Variants in COP1 observed in about 807,000 individuals in gnomAD.
COP1 encodes E3 ubiquitin-protein ligase COP1.
Under a neutral mutation model 101.3 loss-of-function variants are expected in COP1, and 24 were observed. That is an observed-to-expected ratio of 0.24 (90% CI 0.17 to 0.33). The LOEUF (loss-of-function observed/expected upper bound fraction) is 0.33. Among genes scored for constraint, COP1 ranks in the 10% least tolerant of loss-of-function variants. COP1 has a pLI of 1.00. For synonymous variants in COP1, 347 were observed against 341.9 expected (o/e 1.01, Z -0.17); for missense variants, 663 against 906.2 (o/e 0.73, Z 3.45).
intron 11 of COP1, among the ~76,000 whole-genome samples, chr1:176,062,056 GT>G (rs1447945515): frequency 6.6e-6 from 1 of 152,176 alleles, no homozygotes; most frequent in Non-Finnish European, 1.5e-5. Context: ...CTGGAGTGCA[GT>G]GGTGCAATCT....
At chr1:176,095,369 T>A (rs144495625) in intron 9 of COP1, among the ~76,000 whole-genome samples, 25 of 152,330 alleles carry the variant, frequency 1.6e-4, no homozygotes, top group Non-Finnish European at 2.1e-4. Context: ...AGGACAAAGC[T>A]ATGTTCTTAA....
intron 14 of COP1, among the ~76,000 whole-genome samples, chr1:176,042,730 CAAAA>C: frequency 2.0e-5 from 1 of 49,666 alleles, no homozygotes; most frequent in South Asian, 9.0e-4. Flanking sequence ...AACTCTATCT[CAAAA>C]AAAAAAAAAA....
chr1:176,077,523 T>C (rs1044639580), intron 11 of COP1, among the ~76,000 whole-genome samples: 39 of 152,280 alleles, frequency 2.6e-4, no homozygotes, highest in African/African-American at 8.7e-4. Context: ...GAGTCATCTA[T>C]GACAAACCCA....
chr1:176,028,810 G>A (rs1245925096), intron 14 of COP1, among the ~76,000 whole-genome samples: 1 of 149,682 alleles, frequency 6.7e-6, no homozygotes. Context: ...CTGGAGTGCA[G>A]TGGCACAATC....
intron 14 of COP1, among the ~76,000 whole-genome samples, chr1:176,038,088 T>C (rs12138008): frequency 0.27 from 41,751 of 152,192 alleles, 6,690 homozygotes; most frequent in East Asian, 0.49. Flanking sequence ...CTTTAGCAAG[T>C]ACATTGGCAC....
At chr1:176,034,288 G>A (rs1043797180) in intron 14 of COP1, among the ~76,000 whole-genome samples, 3 of 152,144 alleles carry the variant, frequency 2.0e-5, no homozygotes, top group Non-Finnish European at 4.4e-5. Flanking sequence ...CAGCAAACCA[G>A]GGATTGGGAG....
chr1:176,075,817 A>C (rs1677881463), intron 11 of COP1, among the ~76,000 whole-genome samples: 1 of 152,008 alleles, frequency 6.6e-6, no homozygotes, highest in Admixed American at 6.6e-5. Flanking sequence ...AGCCTGGCCA[A>C]CATAATGAAA....
At position 176,058,086 on chromosome 1, in the gene COP1, G is replaced by A. The variant is rs369968894; in HGVS notation, c.1278-11762C>T. Among the ~76,000 whole-genome samples, 155 of 148,764 alleles carry A rather than the reference G, an allele frequency of 1.0e-3. 2 individuals are homozygous for A. In the East Asian group the frequency reaches 0.028, roughly 27 times the overall value. The stretch of plus-strand genomic sequence containing the variant: ...GCCGCCCCGGCCGGGAGGGAGGTGG[G>A]GAGGTCAGCCCCCGCCCGGCCAGCC... On this transcript the variant is annotated intron_variant, in intron 11 of 19. Transcript: ENST00000367669.
chr1:175,986,908 G>C, intron 18 of COP1, 35 bp downstream of exon 18: 1 of 1,487,872 alleles, frequency 6.7e-7, no homozygotes, highest in Non-Finnish European at 9.1e-7. Context: ...CATAATATGA[G>C]ATCCCAAGGT....
intron 8 of COP1, among the ~76,000 whole-genome samples, chr1:176,125,798 C>T (rs1687895147): frequency 6.6e-6 from 1 of 151,878 alleles, no homozygotes; most frequent in Non-Finnish European, 1.5e-5. Flanking sequence ...TGCAATGTAT[C>T]TGTAGATTGC....
chr1:176,065,598 T>C (rs1401910926), intron 11 of COP1, among the ~76,000 whole-genome samples: 3 of 151,996 alleles, frequency 2.0e-5, no homozygotes, highest in Admixed American at 6.6e-5. Flanking sequence ...AGAGTAAACA[T>C]AGGATGAGCT....
chr1:176,200,698 G>A (rs1388699595), intron 1 of COP1, among the ~76,000 whole-genome samples: 1 of 152,082 alleles, frequency 6.6e-6, no homozygotes, highest in African/African-American at 2.4e-5. Context: ...TAAGTATAAA[G>A]AAAAACATGT....
At chr1:176,085,934 T>G in intron 9 of COP1, 44 bp from the exon 10 acceptor site, 1 of 1,084,784 alleles carries the variant, frequency 9.2e-7, no homozygotes, top group Non-Finnish European at 1.4e-6. Flanking sequence ...TAAACAATAC[T>G]CTTCTTTTGC....
Position 176,048,727 on chromosome 1 carries a change from A to G in COP1, c.1278-2403T>C, listed in dbSNP as rs1001124861. Among the ~76,000 whole-genome samples the G allele has an allele frequency of 5.9e-5, 9 of 152,222 alleles. 1 individual carries two copies. Among genetic ancestry groups the G allele is most frequent in the Non-Finnish European group, 1.5e-5 (1 of 68,046 alleles). ...TCTCCGCCTACTCATATACATAGCTAATCAACACCATTCCAATGTTGTGCC... is the reference window on the plus strand; with the variant it reads ...TCTCCGCCTACTCATATACATAGCTGATCAACACCATTCCAATGTTGTGCC... On this transcript the variant is annotated intron_variant, in intron 11 of 19. Transcript: ENST00000367669.
intron 18 of COP1, among the ~76,000 whole-genome samples, chr1:175,957,228 C>G (rs1057075803): frequency 1.3e-5 from 2 of 151,932 alleles, no homozygotes; most frequent in East Asian, 3.9e-4. Context: ...TGGGTCTTCA[C>G]GTTCACTCAC....
intron 14 of COP1, among the ~76,000 whole-genome samples, chr1:176,042,562 CAAAAA>C (rs1171580353): frequency 1.9e-5 from 1 of 53,100 alleles, no homozygotes. Context: ...GAATCCGTCT[CAAAAA>C]AAAAAAAAAA....
At chr1:176,025,823 CA>C (rs1169624114) in intron 15 of COP1, among the ~76,000 whole-genome samples, 1 of 151,822 alleles carries the variant, frequency 6.6e-6, no homozygotes, top group East Asian at 1.9e-4. Context: ...CAGGGAGGAC[CA>C]GGCTGCAGTG....
chr1:176,084,646 TCAAA>T (rs1004085377), intron 10 of COP1, among the ~76,000 whole-genome samples: 15 of 152,280 alleles, frequency 9.9e-5, no homozygotes, highest in African/African-American at 1.4e-4. Flanking sequence ...GTTGTTAATT[TCAAA>T]CAAACAAACA....
intron 8 of COP1, among the ~76,000 whole-genome samples, chr1:176,132,269 T>C (rs1254007732): frequency 1.3e-5 from 2 of 151,784 alleles, no homozygotes; most frequent in Admixed American, 1.3e-4. Flanking sequence ...TCCATCATAA[T>C]TAGTCTTTAC....
Sources: gnomAD v4.1 joint callset for allele counts (sites outside exome capture counted in the v4.1 genomes callset) on GRCh38, gnomAD v4.1.1 for gene constraint, MANE v1.5 for transcripts, NCBI Gene and HGNC (gene_info 2026-07-23, HGNC 2026-07-21) for gene names.